Variants in DLGAP1 observed in about 807,000 individuals in gnomAD.
The protein encoded by DLGAP1 is disks large-associated protein 1.
A neutral mutation model predicts 90.8 loss-of-function variants in DLGAP1; 11 were observed. That is an observed-to-expected ratio of 0.12 (90% CI 0.08 to 0.20). The LOEUF (loss-of-function observed/expected upper bound fraction) is 0.20, where lower values mean the gene tolerates loss of function less well. Ranked by LOEUF, DLGAP1 falls within the 10% of genes least tolerant of loss-of-function variation. The pLI is 1.00. For synonymous variants in DLGAP1, 558 were observed against 540.7 expected (o/e 1.03, Z -0.44); for missense variants, 1,050 against 1,333.8 (o/e 0.79, Z 3.31).
At chr18:3,804,519 T>C (rs895682371) in intron 5 of DLGAP1, among the ~76,000 whole-genome samples, 1 of 152,154 alleles carries the variant, frequency 6.6e-6, no homozygotes, top group Admixed American at 6.5e-5. Flanking sequence ...CAGACTGAGC[T>C]CCCAGCCTCC....
intron 1 of DLGAP1, among the ~76,000 whole-genome samples, chr18:4,322,970 GA>G (rs1398796779): frequency 7.7e-6 from 1 of 130,050 alleles, no homozygotes; most frequent in African/African-American, 3.0e-5. Flanking sequence ...AAAAAAAAAG[GA>G]AAAAGCTACT....
At chr18:3,650,737 T>G (rs1056384794) in intron 7 of DLGAP1, among the ~76,000 whole-genome samples, 1 of 152,230 alleles carries the variant, frequency 6.6e-6, no homozygotes, top group African/African-American at 2.4e-5. Flanking sequence ...CCTATCTCTG[T>G]CAGTTATCTG....
intron 9 of DLGAP1, among the ~76,000 whole-genome samples, chr18:3,548,920 C>G (rs1398623207): frequency 6.6e-6 from 1 of 152,104 alleles, no homozygotes; most frequent in African/African-American, 2.4e-5. Context: ...GCCTGTAATC[C>G]CAGCTACTTG....
At chr18:3,854,587 A>G (rs1290145754) in intron 4 of DLGAP1, among the ~76,000 whole-genome samples, 1 of 152,228 alleles carries the variant, frequency 6.6e-6, no homozygotes, top group Non-Finnish European at 1.5e-5. Context: ...AGCTCCCTAG[A>G]GTTAGGTAGT....
intron 4 of DLGAP1, among the ~76,000 whole-genome samples, chr18:3,839,048 T>C (rs1189707668): frequency 6.6e-6 from 1 of 152,240 alleles, no homozygotes; most frequent in East Asian, 1.9e-4. Context: ...GTCTATTTCA[T>C]GCATGAAGCA....
At chr18:3,900,895 C>T (rs191544252) in intron 3 of DLGAP1, among the ~76,000 whole-genome samples, 5 of 152,264 alleles carry the variant, frequency 3.3e-5, no homozygotes, top group Admixed American at 3.3e-4. Context: ...CAAGCCACCT[C>T]GCCTCTCCCA....
At chr18:3,911,410 G>T (rs1244291237) in intron 3 of DLGAP1, among the ~76,000 whole-genome samples, 4 of 152,156 alleles carry the variant, frequency 2.6e-5, no homozygotes, top group Non-Finnish European at 5.9e-5. Context: ...TTTATTTAAA[G>T]AAAGTTTCTT....
At chr18:3,631,797 T>A (rs533168696) in intron 7 of DLGAP1, among the ~76,000 whole-genome samples, 3 of 152,290 alleles carry the variant, frequency 2.0e-5, no homozygotes, top group East Asian at 1.9e-4. Context: ...TTGTTATTTT[T>A]ATTTTATTTT....
chr18:3,966,631 A>G (rs541102015), intron 3 of DLGAP1, among the ~76,000 whole-genome samples: 1 of 152,356 alleles, frequency 6.6e-6, no homozygotes, highest in South Asian at 2.1e-4. Flanking sequence ...ACAATGCTTA[A>G]GTTTTTGGCT....
At chr18:3,687,617 T>C (rs2060745611) in intron 7 of DLGAP1, among the ~76,000 whole-genome samples, 2 of 152,166 alleles carry the variant, frequency 1.3e-5, no homozygotes, top group South Asian at 4.1e-4. Context: ...ATTAACTAAT[T>C]ATATATAGTC....
chr18:3,807,266 A>T, intron 5 of DLGAP1, among the ~76,000 whole-genome samples: 1 of 152,116 alleles, frequency 6.6e-6, no homozygotes, highest in Non-Finnish European at 1.5e-5. Context: ...AGTTGTCCAC[A>T]CCCAGTTGAT....
At chr18:4,134,517 CAGAGA>C (rs776884432) in intron 2 of DLGAP1, among the ~76,000 whole-genome samples, 14,916 of 152,044 alleles carry the variant, frequency 0.098, 880 homozygotes, top group East Asian at 0.18. Flanking sequence ...AAAGTCGAGG[CAGAGA>C]TAATTCATTC....
At chr18:4,213,140 C>A (rs540099860) in intron 1 of DLGAP1, among the ~76,000 whole-genome samples, 3 of 152,198 alleles carry the variant, frequency 2.0e-5, no homozygotes, top group Non-Finnish European at 4.4e-5. Flanking sequence ...GAGATACAGT[C>A]TCTGCCGTTC....
At chr18:3,976,300 CG>C (rs536414173) in intron 3 of DLGAP1, among the ~76,000 whole-genome samples, 1 of 151,432 alleles carries the variant, frequency 6.6e-6, no homozygotes, top group African/African-American at 2.4e-5. Flanking sequence ...CGCTTGAACC[CG>C]GGAGGCAGAG....
At chr18:4,293,316 G>C (rs184427298) in intron 1 of DLGAP1, 62 of 152,360 alleles carry the variant, frequency 4.1e-4, no homozygotes, top group African/African-American at 1.4e-3. Context: ...GGTCAAGTTT[G>C]GCTCTGAAAC....
intron 4 of DLGAP1, among the ~76,000 whole-genome samples, chr18:3,860,098 C>CAAAAAAAAAAAAAAAAAAAAAAAA (rs1169488386): frequency 1.9e-5 from 2 of 104,928 alleles, no homozygotes; most frequent in Admixed American, 8.8e-5. Context: ...GACTCTGTCT[C>CAAAAAAAAAAAAAAAAAAAAAAAA]AAAAAATAAA....
At chr18:3,763,946 A>T (rs887289920) in intron 5 of DLGAP1, among the ~76,000 whole-genome samples, 2 of 152,140 alleles carry the variant, frequency 1.3e-5, no homozygotes, top group Admixed American at 6.5e-5. Flanking sequence ...ACAGGCGTGC[A>T]GCACTGCGCC....
Position 3,673,268 on chromosome 18 carries a change from A to G in DLGAP1, c.1591+55867T>C, listed in dbSNP as rs2060164048. ...GCCTCCCTGGTCCTCCTGCGGCACA[A>G]ACCTATCCCTCTACTGCATTCTTTT... On this transcript the variant is annotated intron_variant, in intron 7 of 12. Transcript: ENST00000315677. Among the ~76,000 whole-genome samples the G allele has an allele frequency of 2.0e-5, 3 of 152,152 alleles. No homozygotes were observed. The South Asian group carries it at 6.2e-4, about 31-fold the overall frequency.
chr18:4,142,901 C>T lies in DLGAP1; in HGVS notation c.-159+8279G>A, dbSNP rs540761556. Among the ~76,000 whole-genome samples the T allele has an allele frequency of 2.6e-5, 4 of 152,222 alleles. No individual in the cohort carries two copies. In the East Asian group the frequency reaches 5.8e-4, roughly 22 times the overall value. ...CTGCCTTGGTGGTCTCGGAGAAGAT[C>T]GGGAAAAATTTTCTAGATTGCCAGG... On this transcript the variant is annotated intron_variant, in intron 2 of 12. Coordinates refer to ENST00000315677, the MANE Select transcript of DLGAP1 (RefSeq NM_004746.4).
Sources: gnomAD v4.1 joint callset for allele counts (sites outside exome capture counted in the v4.1 genomes callset) on GRCh38, gnomAD v4.1.1 for gene constraint, MANE v1.5 for transcripts, NCBI Gene and HGNC (gene_info 2026-07-23, HGNC 2026-07-21) for gene names.